Variants in ROBO1 observed in about 807,000 individuals in gnomAD.
ROBO1 encodes roundabout homolog 1.
Under a neutral mutation model 195.9 loss-of-function variants are expected in ROBO1, and 149 were observed. That is an observed-to-expected ratio of 0.76 (90% confidence interval 0.67 to 0.87). ROBO1 has a LOEUF of 0.87. ROBO1 is among the 40% of genes least tolerant of loss of function. The probability of loss-of-function intolerance (pLI) is 0.00; values close to 1 mark genes in which losing one functional copy is unlikely to be tolerated. For missense variants in ROBO1, 1,933 were observed against 2,068.3 expected (o/e 0.93, Z 1.27); for synonymous variants, 816 against 733.2 (o/e 1.11, Z -1.82).
At chr3:79,476,601 T>C (rs1053430369) in intron 2 of ROBO1, among the ~76,000 whole-genome samples, 1 of 152,110 alleles carries the variant, frequency 6.6e-6, no homozygotes, top group African/African-American at 2.4e-5. Context: ...AACGACATAA[T>C]GGCATTTGTA....
rs117176487 is a variant in ROBO1, at chr3:79,406,635, G to A, written c.88+183189C>T. 3.0e-4 allele frequency among the ~76,000 whole-genome samples: 45 copies of A among 151,734 alleles called. 3 individuals carry two copies. In the East Asian group the frequency reaches 8.4e-3, roughly 28 times the overall value. On this transcript the variant is annotated intron_variant, in intron 2 of 30. Transcript: ENST00000464233. Reference sequence around the variant, plus strand: ...TTGGTAGTGGCTACATAAATGAATAGAACAGCCTAAAGATAAGGTGTTTCA... The same window carrying A: ...TTGGTAGTGGCTACATAAATGAATAAAACAGCCTAAAGATAAGGTGTTTCA...
At chr3:78,788,311 G>A (rs2083907125) in intron 4 of ROBO1, among the ~76,000 whole-genome samples, 1 of 151,300 alleles carries the variant, frequency 6.6e-6, no homozygotes, top group East Asian at 2.0e-4. Flanking sequence ...GTAGAGACGG[G>A]GTTTCACCGT....
At chr3:78,698,411 T>C (rs1293179948) in intron 8 of ROBO1, among the ~76,000 whole-genome samples, 1 of 152,196 alleles carries the variant, frequency 6.6e-6, no homozygotes, top group Non-Finnish European at 1.5e-5. Context: ...GTCTTTCAAC[T>C]TTTAAGACAT....
chr3:78,884,459 T>G (rs2036379689), intron 4 of ROBO1, among the ~76,000 whole-genome samples: 1 of 151,478 alleles, frequency 6.6e-6, no homozygotes, highest in Non-Finnish European at 1.5e-5. Context: ...CAAAAAAAAT[T>G]CTTTAAAAAT....
chr3:79,031,670 GTAA>G (rs1221709413), intron 3 of ROBO1, among the ~76,000 whole-genome samples: 13 of 152,252 alleles, frequency 8.5e-5, no homozygotes, highest in Admixed American at 7.9e-4. Flanking sequence ...ATTGAAACAA[GTAA>G]TACACATAAA....
intron 4 of ROBO1, among the ~76,000 whole-genome samples, chr3:78,870,563 T>C (rs1311134482): frequency 2.0e-5 from 3 of 152,078 alleles, no homozygotes; most frequent in Non-Finnish European, 4.4e-5. Context: ...AGGACAGAAA[T>C]TGGTAGGAAT....
intron 5 of ROBO1, among the ~76,000 whole-genome samples, chr3:78,745,391 GGAT>G (rs1328033262): frequency 4.6e-5 from 7 of 151,950 alleles, no homozygotes; most frequent in Non-Finnish European, 8.8e-5. Flanking sequence ...GGAAAGTCAG[GGAT>G]GATAATGGTT....
At position 78,668,184 on chromosome 3, in the gene ROBO1, T is replaced by C; in HGVS notation, c.1749A>G (p.Pro583=). 3 of 1,613,554 alleles carry C rather than the reference T, an allele frequency of 1.9e-6. No homozygotes were observed. The highest frequency in any genetic ancestry group is 2.5e-6 in the Non-Finnish European group (3 of 1,179,536). Residue 583 remains proline (P), a synonymous_variant, in exon 13 of 31, where the codon CCA becomes CCG. Coordinates refer to ENST00000464233, the MANE Select transcript of ROBO1 (RefSeq NM_002941.4). ...TTGGAGTTGCTCCTGAATTCAAATT[T>C]GGTTGCCACGATAATGTGACTGTAT... is the stretch of plus-strand genomic sequence containing the variant. The part of the protein sequence containing the change: ...SRNTVTLSWQ[P]NLNSGATPTS...
intron 1 of ROBO1, among the ~76,000 whole-genome samples, chr3:79,756,212 C>T (rs967903994): frequency 3.3e-5 from 5 of 152,106 alleles, no homozygotes; most frequent in Non-Finnish European, 5.9e-5. Flanking sequence ...ATGGTGCTAT[C>T]TTTAAAATGA....
intron 2 of ROBO1, among the ~76,000 whole-genome samples, chr3:79,129,626 T>C (rs1319583024): frequency 5.9e-5 from 9 of 152,200 alleles, no homozygotes; most frequent in African/African-American, 2.2e-4. Context: ...ACATTAATTA[T>C]TTTTTAATTG....
chr3:79,414,747 A>T, intron 2 of ROBO1, among the ~76,000 whole-genome samples: 1 of 151,450 alleles, frequency 6.6e-6, no homozygotes, highest in Non-Finnish European at 1.5e-5. Context: ...CATTATAAAT[A>T]TGGGAAACTG....
intron 2 of ROBO1, among the ~76,000 whole-genome samples, chr3:79,308,269 A>G (rs1046002583): frequency 2.2e-4 from 33 of 152,216 alleles, no homozygotes; most frequent in Non-Finnish European, 8.8e-5. Context: ...AATTCCAAGC[A>G]TAAATAAAAG....
intron 3 of ROBO1, among the ~76,000 whole-genome samples, chr3:78,966,144 A>G (rs2076639197): frequency 6.6e-6 from 1 of 152,270 alleles, no homozygotes; most frequent in Admixed American, 6.5e-5. Context: ...TGAGAGTCTA[A>G]TGCCTGATGA....
chr3:79,302,514 G>T (rs1049018147), intron 2 of ROBO1, among the ~76,000 whole-genome samples: 4 of 152,058 alleles, frequency 2.6e-5, no homozygotes, highest in Non-Finnish European at 5.9e-5. Context: ...TTCTGTGTAG[G>T]GGTAGCCCTT....
At chr3:79,603,537 G>A (rs957049162) in intron 1 of ROBO1, among the ~76,000 whole-genome samples, 3 of 151,926 alleles carry the variant, frequency 2.0e-5, no homozygotes, top group Admixed American at 6.6e-5. Context: ...TCTAACCTGC[G>A]AGTGTTGGGT....
At chr3:78,605,309 ATT>A (rs1323793335) in intron 29 of ROBO1, among the ~76,000 whole-genome samples, 3 of 152,094 alleles carry the variant, frequency 2.0e-5, no homozygotes, top group Non-Finnish European at 2.9e-5. Flanking sequence ...GATTATCTTG[ATT>A]ATCTGCCTAC....
intron 2 of ROBO1, among the ~76,000 whole-genome samples, chr3:79,151,923 T>C (rs1423598368): frequency 6.6e-6 from 1 of 151,904 alleles, no homozygotes; most frequent in East Asian, 1.9e-4. Context: ...TCTGATTCCA[T>C]CTAATGATGA....
chr3:78,911,045 A>G (rs932638117), intron 4 of ROBO1, among the ~76,000 whole-genome samples: 6 of 152,000 alleles, frequency 3.9e-5, no homozygotes, highest in African/African-American at 1.4e-4. Context: ...TCAAGAAAAC[A>G]GGGTTTGGGG....
At chr3:78,684,228 AAAG>A (rs2080999567) in intron 10 of ROBO1, among the ~76,000 whole-genome samples, 1 of 152,154 alleles carries the variant, frequency 6.6e-6, no homozygotes, top group African/African-American at 2.4e-5. Context: ...CAGCAACAAA[AAAG>A]AACCTAAGTG....
Sources: gnomAD v4.1 joint callset for allele counts (sites outside exome capture counted in the v4.1 genomes callset) on GRCh38, gnomAD v4.1.1 for gene constraint, MANE v1.5 for transcripts, NCBI Gene and HGNC (gene_info 2026-07-23, HGNC 2026-07-21) for gene names.